Variants in PCDHGB5 observed in about 807,000 individuals in gnomAD.
PCDHGB5 encodes protocadherin gamma-B5.
In PCDHGB5, 48 loss-of-function variants were observed where a neutral mutation model predicts 62.9. That is an observed-to-expected ratio of 0.76 (90% CI 0.61 to 0.97). The LOEUF is 0.97. Ranked by LOEUF, PCDHGB5 falls within the 50% of genes least tolerant of loss-of-function variation. The probability of loss-of-function intolerance (pLI) is 0.00; values close to 1 mark genes in which losing one functional copy is unlikely to be tolerated. For missense variants in PCDHGB5, 1,118 were observed against 1,198.6 expected (o/e 0.93, Z 0.99); for synonymous variants, 474 against 511.2 (o/e 0.93, Z 0.98).
chr5:141,468,180 C>T (rs1053758210), intron 1 of PCDHGB5, among the ~76,000 whole-genome samples: 4 of 151,744 alleles, frequency 2.6e-5, no homozygotes, highest in Non-Finnish European at 5.9e-5. Context: ...GAAAAATTTG[C>T]TGGGCATGGT....
chr5:141,407,125 T>C (rs1367266686), intron 1 of PCDHGB5, among the ~76,000 whole-genome samples: 1 of 152,254 alleles, frequency 6.6e-6, no homozygotes, highest in Non-Finnish European at 1.5e-5. Context: ...TTCAGTTGCT[T>C]TATTTTTAAG....
intron 1 of PCDHGB5, among the ~76,000 whole-genome samples, chr5:141,470,011 C>T (rs2099218489): frequency 6.6e-6 from 1 of 152,144 alleles, no homozygotes; most frequent in Non-Finnish European, 1.5e-5. Context: ...CGCCTGTAAT[C>T]CCAGCTACTC....
intron 1 of PCDHGB5, chr5:141,404,984 C>T (rs779919758): frequency 6.2e-7 from 1 of 1,614,034 alleles, no homozygotes; most frequent in African/African-American, 1.3e-5. Context: ...CCTGGGCAGT[C>T]TTCAGATCCC....
At chr5:141,414,220 C>T in intron 1 of PCDHGB5, 1 of 1,613,094 alleles carries the variant, frequency 6.2e-7, no homozygotes, top group Non-Finnish European at 8.5e-7. Flanking sequence ...TGACAACAGT[C>T]CAGAGCTGAC....
chr5:141,450,010 T>A (rs2098664468), intron 1 of PCDHGB5, among the ~76,000 whole-genome samples: 1 of 135,330 alleles, frequency 7.4e-6, no homozygotes, highest in African/African-American at 3.3e-5. Flanking sequence ...ATGTCTCTTT[T>A]TTTTTTTTTT....
intron 1 of PCDHGB5, among the ~76,000 whole-genome samples, chr5:141,474,089 CAAACAACAACAA>C (rs985204397): frequency 3.3e-5 from 5 of 152,116 alleles, no homozygotes; most frequent in Admixed American, 2.0e-4. Flanking sequence ...AACCAAAAAA[CAAACAACAACAA>C]AAACAACAAC....
At chr5:141,510,158 A>G (rs1406170246) in intron 3 of PCDHGB5, among the ~76,000 whole-genome samples, 1 of 152,018 alleles carries the variant, frequency 6.6e-6, no homozygotes, top group African/African-American at 2.4e-5. Flanking sequence ...CTGTAATCTC[A>G]GCTACTCAGG....
chr5:141,485,546 G>C lies in PCDHGB5; in HGVS notation c.2398-9261G>C. The C allele has an allele frequency of 6.2e-7, 1 of 1,614,074 alleles. No individual in the cohort carries two copies. ...GTACCGAGCAGAGGTAGAGATCGTA[G>C]ATGTGAATGATCACGCCCCCCGTTT... is the stretch of plus-strand genomic sequence containing the variant. On this transcript the variant is annotated intron_variant, in intron 1 of 3. Coordinates refer to ENST00000617380, the MANE Select transcript of PCDHGB5 (RefSeq NM_018925.3). The surrounding 1 kb of genome is among the most constrained non-coding windows in gnomAD (Gnocchi z 5.7).
intron 1 of PCDHGB5, chr5:141,418,535 G>A: frequency 6.2e-7 from 1 of 1,614,002 alleles, no homozygotes. Context: ...AAGCGGTACT[G>A]CTCAGATAAG....
intron 1 of PCDHGB5, chr5:141,417,926 C>T (rs779409064): frequency 6.2e-7 from 1 of 1,610,108 alleles, no homozygotes; most frequent in East Asian, 2.2e-5. Context: ...TTTGCTGCTG[C>T]CTTTGTTCTA....
intron 2 of PCDHGB5, among the ~76,000 whole-genome samples, chr5:141,503,295 T>C (rs567706089): frequency 6.6e-6 from 1 of 152,070 alleles, no homozygotes; most frequent in Non-Finnish European, 1.5e-5. Context: ...TACATAGAAA[T>C]TGCTCAAGAA....
chr5:141,408,279 A>G (rs1313502495), intron 1 of PCDHGB5: 1 of 1,612,184 alleles, frequency 6.2e-7, no homozygotes, highest in Admixed American at 1.7e-5. Flanking sequence ...CCTTTGTTCT[A>G]CCCCACCCTG....
chr5:141,505,405 C>T lies in PCDHGB5; in HGVS notation c.2469C>T (p.Gly823=), dbSNP rs745516568. 2.5e-6 allele frequency: 4 copies of T among 1,614,130 alleles called. No individual in the cohort carries two copies. The highest frequency in any genetic ancestry group is 3.3e-4 in the Middle Eastern group (2 of 6,062). ...QRPGTSGSQN[G]DDTGTWPNNQ... ...ACTCTCTCCCCAGCTCCCAAAATGG[C>T]GATGACACCGGCACCTGGCCCAACA... Residue 823 remains glycine (G), a synonymous_variant, in exon 3 of 4, where the codon GGC becomes GGT. Transcript: ENST00000617380.
At chr5:141,500,227 G>T (rs959087347) in intron 2 of PCDHGB5, among the ~76,000 whole-genome samples, 15 of 116,224 alleles carry the variant, frequency 1.3e-4, no homozygotes, top group African/African-American at 2.9e-4. Context: ...TTTATTTATT[G>T]ATACGTAGCC....
At chr5:141,427,880 C>G in intron 1 of PCDHGB5, 5 of 1,563,170 alleles carry the variant, frequency 3.2e-6, no homozygotes, top group Non-Finnish European at 3.5e-6. Context: ...CGATGCAGGC[C>G]CACGACCAGG....
intron 1 of PCDHGB5, chr5:141,409,553 G>T: frequency 6.2e-7 from 1 of 1,613,972 alleles, no homozygotes; most frequent in Non-Finnish European, 8.5e-7. Context: ...CAACGCCCCA[G>T]TTTTCGACCA....
In PCDHGB5 at chr5:141,512,903, C is replaced by G. The variant is rs2099884492; in HGVS notation, c.*1730C>G. On this transcript the variant is annotated 3_prime_UTR_variant, in exon 4 of 4. Coordinates refer to ENST00000617380, the MANE Select transcript of PCDHGB5 (RefSeq NM_018925.3). ...CCCCACCCTCTTCCTGTGTCTCACG[C>G]AAGTTTTATACTCTAATATTTATAT... 6.6e-6 allele frequency: 1 copy of G among 152,224 alleles called. No homozygotes were observed. Among genetic ancestry groups the G allele is most frequent in the African/African-American group, 2.4e-5 (1 of 41,452 alleles). 9.4% of individuals were successfully genotyped at this position (152,224 alleles called of 1,614,324 possible).
chr5:141,415,045 G>T, intron 1 of PCDHGB5: 1 of 1,613,538 alleles, frequency 6.2e-7, no homozygotes, highest in East Asian at 2.2e-5. Context: ...CTTCGCGGTG[G>T]GGGAGCACAC....
chr5:141,420,911 T>C (rs948220220), intron 1 of PCDHGB5: 6 of 313,968 alleles, frequency 1.9e-5, no homozygotes, highest in Admixed American at 1.8e-4. Flanking sequence ...CAAATACGTG[T>C]GATTCACAAA....
Sources: allele counts gnomAD v4.1 joint callset (sites outside exome capture counted in the v4.1 genomes callset), GRCh38; gene constraint gnomAD v4.1.1; non-coding constraint Gnocchi (gnomAD v3.1); transcripts MANE v1.5; gene names NCBI Gene and HGNC (gene_info 2026-07-23, HGNC 2026-07-21).